Variants in CR1 observed in about 807,000 individuals in gnomAD.
The protein encoded by CR1 is complement C3b/C4b receptor 1 (Knops blood group).
A neutral mutation model predicts 187.3 loss-of-function variants in CR1; 116 were observed. The observed-to-expected ratio is 0.62, with a 90% CI of 0.53 to 0.72. The LOEUF (loss-of-function observed/expected upper bound fraction) is 0.72, where lower values mean the gene tolerates loss of function less well. Ranked by LOEUF, CR1 falls within the 30% of genes least tolerant of loss-of-function variation. The pLI is 0.00. For missense variants in CR1, 1,731 were observed against 2,110.7 expected (o/e 0.82, Z 3.52); for synonymous variants, 576 against 747.1 (o/e 0.77, Z 3.73).
intron 4 of CR1, among the ~76,000 whole-genome samples, chr1:207,512,459 C>G (rs1259227941): frequency 3.9e-5 from 6 of 152,198 alleles, no homozygotes; most frequent in African/African-American, 1.4e-4. Context: ...ATGGCAAGAT[C>G]TCACTTTATT....
chr1:207,618,376 C>A (rs1484297711), intron 42 of CR1, 129 bp downstream of exon 42: 1 of 807,296 alleles, frequency 1.2e-6, no homozygotes, highest in African/African-American at 1.7e-5. Context: ...CAACTGCTTT[C>A]TTTTCATTTA....
At chr1:207,586,417 G>A (rs141440580) in intron 33 of CR1, among the ~76,000 whole-genome samples, 63 of 152,320 alleles carry the variant, frequency 4.1e-4, no homozygotes, top group Non-Finnish European at 7.3e-4. Flanking sequence ...ACTACAAGGC[G>A]TGAGCCACCA....
rs1257979818 is a variant in CR1 at position 207,564,515 on chromosome 1, A to G, written c.3866+281A>G. ...ATAGGTAACACATTAAGCAAAAAAT[A>G]TCAGCCAGGCACGGTGGCTCACGTG... On this transcript the variant is annotated intron_variant, in intron 23 of 46. Transcript: ENST00000367049. Among the ~76,000 whole-genome samples, 3 of 150,388 alleles carry G rather than the reference A, an allele frequency of 2.0e-5. 1 individual carries two copies. The highest frequency in any genetic ancestry group is 7.5e-5 in the African/African-American group (3 of 39,756).
chr1:207,595,516 C>T (rs2102364767), intron 35 of CR1, among the ~76,000 whole-genome samples: 1 of 152,120 alleles, frequency 6.6e-6, no homozygotes, highest in Non-Finnish European at 1.5e-5. Context: ...ATCTTAGCAC[C>T]AAGCTTCCGT....
intron 24 of CR1, 34 bp from the exon 25 acceptor site, chr1:207,567,790 T>G (rs768594175): frequency 2.5e-6 from 4 of 1,610,922 alleles, no homozygotes; most frequent in Non-Finnish European, 3.4e-6. Flanking sequence ...GTGAAACTCC[T>G]GAATGAAACT....
chr1:207,593,082 T>TAAAAAAAAAAAAAA (rs778842599), intron 35 of CR1, among the ~76,000 whole-genome samples: 1 of 59,938 alleles, frequency 1.7e-5, no homozygotes, highest in Non-Finnish European at 2.5e-5. Flanking sequence ...TTCACAGAAT[T>TAAAAAAAAAAAAAA]ACAAAAAAAA....
chr1:207,579,613 A>G (rs1660875292), intron 29 of CR1, among the ~76,000 whole-genome samples: 1 of 152,202 alleles, frequency 6.6e-6, no homozygotes. Context: ...GGAAAGTTCT[A>G]AATAACTCGC....
At chr1:207,600,873 A>C (rs1459467134) in intron 35 of CR1, 1 of 152,142 alleles carries the variant, frequency 6.6e-6, no homozygotes, top group Non-Finnish European at 1.5e-5. Context: ...GGTAAGCCTT[A>C]CATTATTTAT....
At chr1:207,598,262 A>G (rs1661503734) in intron 35 of CR1, among the ~76,000 whole-genome samples, 1 of 152,196 alleles carries the variant, frequency 6.6e-6, no homozygotes. Flanking sequence ...TTTTAAAACA[A>G]TAAGAAAGAA....
chr1:207,613,673 G>A (rs1467882095), intron 39 of CR1, among the ~76,000 whole-genome samples: 2 of 152,032 alleles, frequency 1.3e-5, no homozygotes, highest in Non-Finnish European at 2.9e-5. Flanking sequence ...TGAGTCTGGA[G>A]GGATAACTAG....
At chr1:207,521,949 G>A (rs1434211572) in intron 4 of CR1, among the ~76,000 whole-genome samples, 2 of 151,662 alleles carry the variant, frequency 1.3e-5, no homozygotes, top group South Asian at 2.1e-4. Context: ...AATTACAGGC[G>A]TGAGCCACCA....
At chr1:207,505,280 A>C (rs994230682) in intron 1 of CR1, among the ~76,000 whole-genome samples, 2 of 152,096 alleles carry the variant, frequency 1.3e-5, no homozygotes, top group Admixed American at 1.3e-4. Flanking sequence ...CAGCCTCCCA[A>C]GTAGCTGTGC....
intron 35 of CR1, among the ~76,000 whole-genome samples, chr1:207,591,325 A>C (rs998618610): frequency 6.6e-6 from 1 of 152,234 alleles, no homozygotes; most frequent in Non-Finnish European, 1.5e-5. Flanking sequence ...CTACATGGAA[A>C]CTGAACAGCC....
intron 4 of CR1, among the ~76,000 whole-genome samples, chr1:207,518,332 T>C (rs1308437267): frequency 6.6e-6 from 1 of 152,238 alleles, no homozygotes; most frequent in African/African-American, 2.4e-5. Context: ...GGTAAAATGT[T>C]ACATATGCAC....
Position 207,581,929 on chromosome 1 carries a change from A to G in CR1, c.5228A>G (p.Lys1743Arg). The change falls in exon 32 of 47, where the codon AAG becomes AGG. Residue 1743 changes from lysine to arginine, a missense_variant. By Grantham distance (26) the Lys-to-Arg change is conservative. Around this residue, in one of 5 missense-constraint regions of CR1, gnomAD observed 1,312 missense variants for 1,379.6 expected, o/e 0.95. Coordinates refer to ENST00000367049, the MANE Select transcript of CR1 (RefSeq NM_000651.6). ...GCTTTGTTCTTTAGGTTTCGCTTAA[A>G]GGGCAGTTCCGTTAGTCATTGTGTC... ...SFVCDEGFRL[K>R]GSSVSHCVLV... 1 of 1,613,034 alleles carries G rather than the reference A, an allele frequency of 6.2e-7. No individual in the cohort carries two copies. Among genetic ancestry groups the G allele is most frequent in the Non-Finnish European group, 8.5e-7 (1 of 1,179,210 alleles).
At chr1:207,567,265 GTT>G (rs199637674) in intron 24 of CR1, among the ~76,000 whole-genome samples, 12 of 138,078 alleles carry the variant, frequency 8.7e-5, no homozygotes, top group African/African-American at 1.7e-4. Flanking sequence ...TCCATTTGGA[GTT>G]TTTTTTTTTT....
chr1:207,587,463 A>ACAT lies in CR1; in HGVS notation c.5610_5612dup (p.Ser1871dup). 1 of 1,613,956 alleles carries ACAT rather than the reference A, an allele frequency of 6.2e-7. No homozygotes were observed. Among genetic ancestry groups the ACAT allele is most frequent in the East Asian group, 2.2e-5 (1 of 44,888 alleles). ...TAATGACTTTGAGTTTCCAGTCGGG[A>ACAT]CATCTTTGAATTATGAATGCCGTCC... On this transcript the variant is annotated inframe_insertion, in exon 34 of 47. Coordinates refer to ENST00000367049, the MANE Select transcript of CR1 (RefSeq NM_000651.6).
chr1:207,591,743 TA>T (rs1313604826), intron 35 of CR1, among the ~76,000 whole-genome samples: 1 of 151,752 alleles, frequency 6.6e-6, no homozygotes, highest in African/African-American at 2.4e-5. Context: ...ATAGACACAA[TA>T]AAAAATGATA....
intron 1 of CR1, among the ~76,000 whole-genome samples, chr1:207,497,846 CCTAAA>C (rs1266068974): frequency 1.3e-5 from 2 of 152,238 alleles, no homozygotes; most frequent in African/African-American, 2.4e-5. Context: ...TGTGAAACAG[CCTAAA>C]CTAAACTACC....
Sources: gnomAD v4.1 joint callset for allele counts (sites outside exome capture counted in the v4.1 genomes callset) on GRCh38, gnomAD v4.1.1 for gene constraint, gnomAD v4.1.1 regional missense constraint, MANE v1.5 for transcripts, NCBI Gene and HGNC (gene_info 2026-07-23, HGNC 2026-07-21) for gene names.